The following SIKE1 variants were observed in gnomAD, a reference collection of about 807,000 sequenced individuals.
SIKE1 encodes suppressor of IKK epsilon.
A neutral mutation model predicts 25.8 loss-of-function variants in SIKE1; 13 were observed. That is an observed-to-expected ratio of 0.50 (90% CI 0.33 to 0.80). SIKE1 has a LOEUF of 0.80. Ranked by LOEUF, SIKE1 falls within the 30% of genes least tolerant of loss-of-function variation. SIKE1 has a pLI of 0.02. For synonymous variants in SIKE1, 86 were observed against 95.5 expected, an observed-to-expected ratio of 0.90 and a Z score of 0.58; for missense variants, 222 against 252.4, an observed-to-expected ratio of 0.88 and a Z score of 0.82.
At chr1:114,776,578 C>T (rs1043710918) in intron 3 of SIKE1, 119 bp from the exon 4 acceptor site, 10 of 687,042 alleles carry the variant, frequency 1.5e-5, no homozygotes, top group Non-Finnish European at 2.3e-5. Context: ...ACAGAAGTTA[C>T]AATGGAGTTT....
intron 3 of SIKE1, among the ~76,000 whole-genome samples, chr1:114,777,728 C>T (rs866192791): frequency 2.6e-5 from 4 of 152,124 alleles, no homozygotes; most frequent in Middle Eastern, 3.4e-3. Flanking sequence ...AAATCTGATT[C>T]GATGCAAGCA....
At chr1:114,779,627 A>G (rs1242546724) in intron 2 of SIKE1, among the ~76,000 whole-genome samples, 1 of 152,228 alleles carries the variant, frequency 6.6e-6, no homozygotes, top group Non-Finnish European at 1.5e-5. Context: ...AGATATGAGA[A>G]TACAGTAGAA....
rs1558017630 is a variant in SIKE1 at position 114,769,689 on chromosome 1, T to C, written c.*4582A>G. The C allele has an allele frequency of 6.6e-6, 1 of 152,050 alleles. No individual in the cohort carries two copies. Among genetic ancestry groups the C allele is most frequent in the Non-Finnish European group, 1.5e-5 (1 of 68,000 alleles). The allele number at this position is 152,050 out of a possible 1,614,324, so 9.4% of individuals were successfully genotyped here. ...TTTGAAGTTCAAAAAGAAAGAAAAC[T>C]ATAAAATAAGTCACTTTAGGGATAC... On this transcript the variant is annotated 3_prime_UTR_variant, in exon 5 of 5. Transcript: ENST00000060969.
At chr1:114,776,519 C>G in intron 3 of SIKE1, 60 bp from the exon 4 acceptor site, 1 of 1,090,624 alleles carries the variant, frequency 9.2e-7, no homozygotes, top group Non-Finnish European at 1.4e-6. Context: ...ATATAAAGAA[C>G]GTAAAAGCAT....
intron 4 of SIKE1, 70 bp downstream of exon 4, chr1:114,776,276 T>G: frequency 1.1e-6 from 1 of 898,048 alleles, no homozygotes; most frequent in Middle Eastern, 2.1e-4. Flanking sequence ...AGTGATGGGA[T>G]AGTGATGGCA....
Position 114,780,641 on chromosome 1 carries a change from A to G in SIKE1, c.-34T>C. 6.5e-7 allele frequency: 1 copy of G among 1,547,594 alleles called. No individual in the cohort carries two copies. Among genetic ancestry groups the G allele is most frequent in the Non-Finnish European group, 8.8e-7 (1 of 1,138,482 alleles). Reference sequence around the variant, plus strand: ...CACCACCCCAGCCCCTGCCGGGCTCAGCTACGCGACTCGCTCAGATCTTCT... The same window carrying G: ...CACCACCCCAGCCCCTGCCGGGCTCGGCTACGCGACTCGCTCAGATCTTCT... On this transcript the variant is annotated 5_prime_UTR_variant, in exon 1 of 5. Coordinates refer to ENST00000060969, the MANE Select transcript of SIKE1 (RefSeq NM_025073.3).
At chr1:114,779,408 T>C in intron 2 of SIKE1, 124 bp from the exon 3 acceptor site, 1 of 1,008,596 alleles carries the variant, frequency 9.9e-7, no homozygotes, top group Non-Finnish European at 1.4e-6. Flanking sequence ...AAATCAATGT[T>C]TAAGTCCGCA....
At position 114,771,244 on chromosome 1, in the gene SIKE1, T is replaced by C. The variant is rs2101123458; in HGVS notation, c.*3027A>G. On this transcript the variant is annotated 3_prime_UTR_variant, in exon 5 of 5. Coordinates refer to ENST00000060969, the MANE Select transcript of SIKE1 (RefSeq NM_025073.3). ...CAGTTGAATCACACATACTCTCAGC[T>C]ACACCATTCTAGAAAATAATATCTC... 1 of 152,358 alleles carries C rather than the reference T, an allele frequency of 6.6e-6. No individual in the cohort carries two copies. Among genetic ancestry groups the C allele is most frequent in the Middle Eastern group, 3.4e-3 (1 of 294 alleles). The allele number at this position is 152,358 out of a possible 1,614,324, so 9.4% of individuals were successfully genotyped here.
chr1:114,774,309 C>T lies in SIKE1; in HGVS notation c.586G>A (p.Glu196Lys). Residue 196 changes from glutamate (E) to lysine (K), a missense_variant, in exon 5 of 5, where the codon GAA (glutamate) becomes AAA (lysine). By Grantham distance (56) the Glu-to-Lys change is moderately conservative (BLOSUM62 1). Coordinates refer to ENST00000060969, the MANE Select transcript of SIKE1 (RefSeq NM_025073.3). Reference sequence around the variant, plus strand: ...TGGGAAGCAGTGTCCATTGAGTTTTCCTTTCTGGCTTGAAGAGACTCACTG... The same window carrying T: ...TGGGAAGCAGTGTCCATTGAGTTTTTCTTTCTGGCTTGAAGAGACTCACTG... ...ISSESLQARK[E>K]NSMDTASQAI... The T allele has an allele frequency of 2.5e-6, 4 of 1,612,484 alleles. No homozygotes were observed. The highest frequency in any genetic ancestry group is 3.4e-6 in the Non-Finnish European group (4 of 1,178,894).
At chr1:114,779,375 A>G in intron 2 of SIKE1, 91 bp from the exon 3 acceptor site, 1 of 1,253,750 alleles carries the variant, frequency 8.0e-7, no homozygotes, top group Non-Finnish European at 1.1e-6. Context: ...AACACTATAT[A>G]GATAATATGA....
At chr1:114,775,900 C>T (rs1299250053) in intron 4 of SIKE1, among the ~76,000 whole-genome samples, 1 of 152,172 alleles carries the variant, frequency 6.6e-6, no homozygotes, top group Non-Finnish European at 1.5e-5. Flanking sequence ...AAGGCTTATA[C>T]AAGCAGTTCT....
chr1:114,771,853 A>C lies in SIKE1; in HGVS notation c.*2418T>G, dbSNP rs1015257692. ...TCTTTTAGAGTGCTAACTATTACAC[A>C]ATGGGGCCTAGACTAGATATTTTAA... On this transcript the variant is annotated 3_prime_UTR_variant, in exon 5 of 5. Transcript: ENST00000060969. 1.2e-4 allele frequency: 18 copies of C among 152,286 alleles called. No individual in the cohort carries two copies. Among genetic ancestry groups the C allele is most frequent in the South Asian group, 1.0e-3 (5 of 4,830 alleles). 9.4% of individuals were successfully genotyped at this position (152,286 alleles called of 1,614,324 possible).
rs1452627209 is a variant in SIKE1, at chr1:114,780,660, ATCT to A, written c.-56_-54del. 8 of 1,468,182 alleles carry A rather than the reference ATCT, an allele frequency of 5.4e-6. No individual in the cohort carries two copies. Among genetic ancestry groups the A allele is most frequent in the Admixed American group, 2.0e-5 (1 of 49,250 alleles). The allele number at this position is 1,468,182 out of a possible 1,614,324, so 90.9% of individuals were successfully genotyped here. Reference sequence around the variant, plus strand: ...GGGCTCAGCTACGCGACTCGCTCAGATCTTCTGGGAGTCTGTCTCAGCATTACA... The same window carrying A: ...GGGCTCAGCTACGCGACTCGCTCAGATCTGGGAGTCTGTCTCAGCATTACA... On this transcript the variant is annotated 5_prime_UTR_variant, in exon 1 of 5. Coordinates refer to ENST00000060969, the MANE Select transcript of SIKE1 (RefSeq NM_025073.3).
chr1:114,775,815 C>A (rs564940490), intron 4 of SIKE1, among the ~76,000 whole-genome samples: 1 of 152,174 alleles, frequency 6.6e-6, no homozygotes, highest in South Asian at 2.1e-4. Context: ...ACTAATACCC[C>A]GAACTTTTTT....
intron 4 of SIKE1, 143 bp from the exon 5 acceptor site, chr1:114,774,515 T>C: frequency 1.8e-6 from 1 of 555,380 alleles, no homozygotes; most frequent in Non-Finnish European, 3.2e-6. Context: ...AGTTGAGAAT[T>C]TCCTTAAATA....
Position 114,774,078 on chromosome 1 carries a change from C to T in SIKE1, c.*193G>A, listed in dbSNP as rs1247599788. 1 of 388,182 alleles carries T rather than the reference C, an allele frequency of 2.6e-6. No individual in the cohort carries two copies. Among genetic ancestry groups the T allele is most frequent in the East Asian group, 3.7e-5 (1 of 27,322 alleles). 24.0% of individuals were successfully genotyped at this position (388,182 alleles called of 1,614,324 possible). Reference sequence around the variant, plus strand: ...TTGAGAAAGGAATGGTGAAATTCAGCATGTAGTATTCACATTAACACATCT... The same window carrying T: ...TTGAGAAAGGAATGGTGAAATTCAGTATGTAGTATTCACATTAACACATCT... On this transcript the variant is annotated 3_prime_UTR_variant, in exon 5 of 5. Coordinates refer to ENST00000060969, the MANE Select transcript of SIKE1 (RefSeq NM_025073.3).
chr1:114,771,403 A>G lies in SIKE1; in HGVS notation c.*2868T>C, dbSNP rs1662067027. On this transcript the variant is annotated 3_prime_UTR_variant, in exon 5 of 5. Coordinates refer to ENST00000060969, the MANE Select transcript of SIKE1 (RefSeq NM_025073.3). ...CAGTATTTGGCATTTAGGCATCTCAAGTTAGTTAGTGATTAAAAATGTGCT... is the reference window on the plus strand; with the variant it reads ...CAGTATTTGGCATTTAGGCATCTCAGGTTAGTTAGTGATTAAAAATGTGCT... 1 of 152,188 alleles carries G rather than the reference A, an allele frequency of 6.6e-6. No homozygotes were observed. Among genetic ancestry groups the G allele is most frequent in the Non-Finnish European group, 1.5e-5 (1 of 68,022 alleles). The allele number at this position is 152,188 out of a possible 1,614,324, so 9.4% of individuals were successfully genotyped here.
chr1:114,771,365 C>T lies in SIKE1; in HGVS notation c.*2906G>A, dbSNP rs1377411307. 1 of 152,196 alleles carries T rather than the reference C, an allele frequency of 6.6e-6. No homozygotes were observed. The highest frequency in any genetic ancestry group is 1.5e-5 in the Non-Finnish European group (1 of 68,022). 9.4% of individuals were successfully genotyped at this position (152,196 alleles called of 1,614,324 possible). A position where few individuals can be genotyped will look rare whatever the true frequency, so the allele number is the denominator to read the frequency against. On this transcript the variant is annotated 3_prime_UTR_variant, in exon 5 of 5. Coordinates refer to ENST00000060969, the MANE Select transcript of SIKE1 (RefSeq NM_025073.3). ...AATAGATTTTGCTAATCAAGAACCA[C>T]TTGAACTCCCAACAGTATTTGGCAT...
intron 2 of SIKE1, 70 bp from the exon 3 acceptor site, chr1:114,779,354 T>A (rs931454335): frequency 2.7e-5 from 40 of 1,509,034 alleles, no homozygotes; most frequent in Non-Finnish European, 3.5e-5. Context: ...TCTTAACAGT[T>A]GGAATTTTGT....
Sources: allele counts gnomAD v4.1 joint callset (sites outside exome capture counted in the v4.1 genomes callset), GRCh38; gene constraint gnomAD v4.1.1; transcripts MANE v1.5; gene names NCBI Gene and HGNC (gene_info 2026-07-23, HGNC 2026-07-21).